Variants in HDGFL3 observed in about 807,000 individuals in gnomAD.
HDGFL3 encodes the protein hepatoma-derived growth factor-related protein 3.
HDGFL3 carries 6 observed loss-of-function variants against 27.6 expected under a neutral mutation model. That is an observed-to-expected ratio of 0.22 (90% CI 0.12 to 0.43). The LOEUF (loss-of-function observed/expected upper bound fraction) is 0.43. Among genes scored for constraint, HDGFL3 ranks in the 20% least tolerant of loss-of-function variants. HDGFL3 has a pLI of 1.00. For synonymous variants in HDGFL3, 88 were observed against 88.9 expected (o/e 0.99, Z 0.05); for missense variants, 207 against 250.1 (o/e 0.83, Z 1.16).
intron 5 of HDGFL3, among the ~76,000 whole-genome samples, chr15:83,143,519 T>C (rs1203252164): frequency 6.6e-6 from 1 of 151,932 alleles, no homozygotes; most frequent in African/African-American, 2.4e-5. Flanking sequence ...GAGGCGGAGG[T>C]TGCAGTGAGC....
chr15:83,123,722 A>C (rs1463810998), downstream of HDGFL3, among the ~76,000 whole-genome samples: 1 of 152,236 alleles, frequency 6.6e-6, no homozygotes, highest in East Asian at 1.9e-4. Context: ...GCTGTTAAAA[A>C]GAAAAAGCAA....
chr15:83,156,304 C>A (rs1490301254), intron 4 of HDGFL3, among the ~76,000 whole-genome samples: 1 of 152,092 alleles, frequency 6.6e-6, no homozygotes, highest in Non-Finnish European at 1.5e-5. Context: ...AATAGGGGAC[C>A]TATTTTAGGT....
At chr15:83,191,935 C>CTTTTT (rs749998701) in intron 1 of HDGFL3, among the ~76,000 whole-genome samples, 12 of 106,700 alleles carry the variant, frequency 1.1e-4, no homozygotes, top group Non-Finnish European at 1.3e-4. Context: ...CTTATCTCTC[C>CTTTTT]TTTTTTTTTT....
At chr15:83,112,945 C>T (rs768499836) in exon 4 of HDGFL3, 1 of 1,435,264 alleles carries the variant, frequency 7.0e-7, no homozygotes, top group Non-Finnish European at 9.8e-7. Context: ...ATTAATAACA[C>T]AATACTTTCA....
At chr15:83,173,730 T>A (rs976287510) in intron 1 of HDGFL3, among the ~76,000 whole-genome samples, 9 of 152,190 alleles carry the variant, frequency 5.9e-5, no homozygotes, top group Non-Finnish European at 1.3e-4. Flanking sequence ...AGCCTCAAAT[T>A]TTCCTTTGAA....
intron 1 of HDGFL3, among the ~76,000 whole-genome samples, chr15:83,187,567 C>T (rs1193726434): frequency 6.6e-6 from 1 of 152,102 alleles, no homozygotes; most frequent in Non-Finnish European, 1.5e-5. Flanking sequence ...GGGCATTTAC[C>T]TTGTTTTCAG....
chr15:83,197,230 A>G (rs1273380435), intron 1 of HDGFL3, among the ~76,000 whole-genome samples: 4 of 152,242 alleles, frequency 2.6e-5, no homozygotes, highest in African/African-American at 9.6e-5. Context: ...AACACCTGGC[A>G]TATCATAAAA....
rs1049483440 is a variant in HDGFL3 at position 83,133,578 on chromosome 15, C to T, written c.*5692G>A. 1 of 152,234 alleles carries T rather than the reference C, an allele frequency of 6.6e-6. No individual in the cohort carries two copies. Among genetic ancestry groups the T allele is most frequent in the Non-Finnish European group, 1.5e-5 (1 of 68,050 alleles). The allele number at this position is 152,234 out of a possible 1,614,324, so 9.4% of individuals were successfully genotyped here. ...TTATTAGGGACTCAACCTCACATTGCTAAATTCTGGAGAAATTTCTAGGAT... is the reference window on the plus strand; with the variant it reads ...TTATTAGGGACTCAACCTCACATTGTTAAATTCTGGAGAAATTTCTAGGAT... On this transcript the variant is annotated 3_prime_UTR_variant, in exon 6 of 6. Transcript: ENST00000299633.
At chr15:83,161,323 T>C (rs1290724918) in intron 2 of HDGFL3, among the ~76,000 whole-genome samples, 1 of 152,150 alleles carries the variant, frequency 6.6e-6, no homozygotes, top group East Asian at 1.9e-4. Flanking sequence ...CCACCATGCC[T>C]GGCTAATGTT....
At chr15:83,205,474 G>A (rs1477998418) in intron 1 of HDGFL3, among the ~76,000 whole-genome samples, 1 of 151,914 alleles carries the variant, frequency 6.6e-6, no homozygotes, top group African/African-American at 2.4e-5. Flanking sequence ...TCACTTCCAG[G>A]AATTTTATGT....
rs2035963603 is a variant in HDGFL3 at position 83,128,484 on chromosome 15, C to A, written c.*10786G>T. The A allele has an allele frequency of 6.6e-6, 1 of 152,176 alleles. No individual in the cohort carries two copies. Among genetic ancestry groups the A allele is most frequent in the African/African-American group, 2.4e-5 (1 of 41,428 alleles). 9.4% of individuals were successfully genotyped at this position (152,176 alleles called of 1,614,324 possible). A position where few individuals can be genotyped will look rare whatever the true frequency, so the allele number is the denominator to read the frequency against. On this transcript the variant is annotated 3_prime_UTR_variant, in exon 6 of 6. Transcript: ENST00000299633. Reference sequence around the variant, plus strand: ...TTGCTGGTTGTTTTTCCTTTGCAGACCTCTAAATACCTGATTCCTCAGTCC... The same window carrying A: ...TTGCTGGTTGTTTTTCCTTTGCAGAACTCTAAATACCTGATTCCTCAGTCC...
chr15:83,195,418 T>C (rs929247388), intron 1 of HDGFL3, among the ~76,000 whole-genome samples: 5 of 152,114 alleles, frequency 3.3e-5, no homozygotes, highest in Non-Finnish European at 5.9e-5. Context: ...TAAATGTGTC[T>C]TTTTAAAAAA....
chr15:83,137,431 G>C lies in HDGFL3; in HGVS notation c.*1839C>G, dbSNP rs780284239. 3 of 152,098 alleles carry C rather than the reference G, an allele frequency of 2.0e-5. No homozygotes were observed. The highest frequency in any genetic ancestry group is 4.4e-5 in the Non-Finnish European group (3 of 67,996). The allele number at this position is 152,098 out of a possible 1,614,324, so 9.4% of individuals were successfully genotyped here. On this transcript the variant is annotated 3_prime_UTR_variant, in exon 6 of 6. Coordinates refer to ENST00000299633, the MANE Select transcript of HDGFL3 (RefSeq NM_016073.4). ...AAACGCTTTTAAAGAAAATTTGTGA[G>C]TTGTATATTCCAATTCAAAATGCCA...
chr15:83,164,367 C>CAAAAAAAA (rs869303457), intron 1 of HDGFL3, among the ~76,000 whole-genome samples: 36 of 38,386 alleles, frequency 9.4e-4, no homozygotes, highest in Non-Finnish European at 1.1e-3. Context: ...TTAGAGTAAC[C>CAAAAAAAA]AAAAAAAAAA....
chr15:83,200,686 T>C (rs1343211843), intron 1 of HDGFL3, among the ~76,000 whole-genome samples: 3 of 151,788 alleles, frequency 2.0e-5, no homozygotes, highest in Non-Finnish European at 2.9e-5. Context: ...TACAAAGAGG[T>C]TCACAATAAA....
intron 2 of HDGFL3, among the ~76,000 whole-genome samples, chr15:83,160,176 G>C (rs1160021563): frequency 6.6e-6 from 1 of 151,982 alleles, no homozygotes; most frequent in African/African-American, 2.4e-5. Flanking sequence ...TAGAGGAGTT[G>C]AGGATATCTC....
chr15:83,155,074 A>T (rs569822659), intron 4 of HDGFL3, among the ~76,000 whole-genome samples: 1 of 152,266 alleles, frequency 6.6e-6, no homozygotes, highest in East Asian at 1.9e-4. Context: ...TATGTTGCCC[A>T]GGCTGGTCTC....
rs191725885 is a variant in HDGFL3 at position 83,116,495 on chromosome 15, A to T, written c.394-754T>A. Among the ~76,000 whole-genome samples the T allele has an allele frequency of 3.3e-5, 5 of 152,368 alleles. No homozygotes were observed. In the East Asian group the frequency reaches 9.6e-4, roughly 29 times the overall value. The stretch of plus-strand genomic sequence containing the variant: ...TGACTTATTCAAGGTGACACAGGAA[A>T]TGAGGAAAAGGGCTCAAAGCAGATT... On this transcript the variant is annotated intron_variant, in intron 3 of 3. Coordinates refer to the HDGFL3 transcript ENST00000568294.
intron 1 of HDGFL3, among the ~76,000 whole-genome samples, chr15:83,198,297 C>T (rs938429644): frequency 1.3e-5 from 2 of 152,022 alleles, no homozygotes; most frequent in Admixed American, 6.6e-5. Context: ...GTTAACAAAT[C>T]ATCCTCTCAA....
Sources: gnomAD v4.1 joint callset for allele counts (sites outside exome capture counted in the v4.1 genomes callset) on GRCh38, gnomAD v4.1.1 for gene constraint, MANE v1.5 for transcripts, NCBI Gene and HGNC (gene_info 2026-07-23, HGNC 2026-07-21) for gene names.